PDXDC1: variants seen among roughly 807,000 people sequenced by gnomAD.
PDXDC1 encodes the protein pyridoxal dependent decarboxylase domain containing 1.
In PDXDC1, 42 loss-of-function variants were observed where a neutral mutation model predicts 100.1. That is an observed-to-expected ratio of 0.42 (90% confidence interval 0.33 to 0.54). PDXDC1 has a LOEUF of 0.54. PDXDC1 is among the 20% of genes least tolerant of loss of function. The pLI is 0.10. For missense variants in PDXDC1, 636 were observed against 979.2 expected (o/e 0.65, Z 4.68); for synonymous variants, 260 against 371.7 (o/e 0.70, Z 3.46).
intron 19 of PDXDC1, 81 bp downstream of exon 19, chr16:15,033,480 C>A: frequency 6.9e-7 from 1 of 1,453,382 alleles, no homozygotes; most frequent in South Asian, 1.2e-5. Context: ...AAGCAGCTGC[C>A]CTTGGGATGT....
chr16:15,053,930 A>ACC (rs1317540372), intron 16 of PDXDC1, among the ~76,000 whole-genome samples: 1 of 149,326 alleles, frequency 6.7e-6, no homozygotes, highest in East Asian at 1.9e-4. Context: ...CAACCAACCA[A>ACC]ACAAACAAAC....
intron 16 of PDXDC1, among the ~76,000 whole-genome samples, chr16:15,101,930 C>A (rs1269771529): frequency 6.6e-6 from 1 of 152,054 alleles, no homozygotes; most frequent in Non-Finnish European, 1.5e-5. Context: ...CTCACCGCAA[C>A]CTCCACCTCC....
chr16:15,150,103 G>C, the PDXDC1 span, among the ~76,000 whole-genome samples: 2 of 152,080 alleles, frequency 1.3e-5, no homozygotes, highest in Admixed American at 1.3e-4. Context: ...CCAGCACTTT[G>C]GGAGGCTGAG....
intron 16 of PDXDC1, among the ~76,000 whole-genome samples, chr16:15,078,812 C>CTT (rs5816111): frequency 8.5e-6 from 1 of 117,636 alleles, no homozygotes; most frequent in Non-Finnish European, 1.9e-5. Flanking sequence ...GTATTTTTTT[C>CTT]TTTTTTTTTT....
intron 16 of PDXDC1, among the ~76,000 whole-genome samples, chr16:15,049,675 C>T (rs1191467116): frequency 6.6e-6 from 1 of 152,138 alleles, no homozygotes; most frequent in Non-Finnish European, 1.5e-5. Context: ...ATCCACCTGC[C>T]TTGGCCTCCC....
intron 7 of PDXDC1, chr16:15,009,277 A>G (rs1414944261): frequency 5.8e-6 from 2 of 342,686 alleles, no homozygotes; most frequent in Non-Finnish European, 1.0e-5. Context: ...ATGATTCCAG[A>G]AGGAAAAGGA....
chr16:15,103,971 T>C (rs1192525706), intron 16 of PDXDC1, among the ~76,000 whole-genome samples: 5 of 21,530 alleles, frequency 2.3e-4, no homozygotes, highest in East Asian at 8.1e-4. Flanking sequence ...GTAGGAGGAT[T>C]GCTTGAGTCC....
In PDXDC1 at chr16:15,037,078, C is replaced by T. The variant is rs536142857; in HGVS notation, c.*803C>T. The T allele has an allele frequency of 3.9e-5, 6 of 152,232 alleles. No homozygotes were observed. Among genetic ancestry groups the T allele is most frequent in the Non-Finnish European group, 5.9e-5 (4 of 68,048 alleles). The allele number at this position is 152,232 out of a possible 1,614,324, so 9.4% of individuals were successfully genotyped here. On this transcript the variant is annotated 3_prime_UTR_variant, in exon 23 of 23. Transcript: ENST00000396410. ...TAAGAGCTTGCTCTTCCGTGTGCTA[C>T]GTAGCACCCACCTGGTTAAAATCTG...
chr16:15,050,101 G>A (rs529503982), intron 16 of PDXDC1, among the ~76,000 whole-genome samples: 24 of 152,278 alleles, frequency 1.6e-4, no homozygotes, highest in Admixed American at 1.5e-3. Context: ...AAATGGATAA[G>A]GCAAATTTAC....
At chr16:15,015,108 TG>T (rs1327261305) in intron 8 of PDXDC1, among the ~76,000 whole-genome samples, 12 of 152,364 alleles carry the variant, frequency 7.9e-5, no homozygotes, top group African/African-American at 2.6e-4. Flanking sequence ...CGGCTAATTT[TG>T]TTTTTGTATT....
At chr16:14,980,796 C>T (rs564027916) in intron 1 of PDXDC1, among the ~76,000 whole-genome samples, 335 of 152,282 alleles carry the variant, frequency 2.2e-3, no homozygotes, top group African/African-American at 7.2e-3. Flanking sequence ...GACGGGGTTT[C>T]GCCATGTTGG....
At chr16:15,131,285 G>A (rs1227265662) in intron 16 of PDXDC1, 2 of 1,579,410 alleles carry the variant, frequency 1.3e-6, no homozygotes, top group African/African-American at 2.7e-5. Context: ...CGCTCGATGG[G>A]GATCTGGGCG....
chr16:15,035,019 C>T (rs1395170100), intron 21 of PDXDC1, among the ~76,000 whole-genome samples: 1 of 152,234 alleles, frequency 6.6e-6, no homozygotes, highest in Non-Finnish European at 1.5e-5. Context: ...AGGGTGTTAA[C>T]AGTCCGTGAC....
intron 16 of PDXDC1, chr16:15,125,782 G>T: frequency 2.0e-6 from 3 of 1,474,154 alleles, no homozygotes; most frequent in Non-Finnish European, 2.8e-6. Context: ...CTGCCCGGCA[G>T]GTGTGGGGCT....
chr16:15,094,058 T>G, intron 16 of PDXDC1: 3 of 1,223,914 alleles, frequency 2.5e-6, no homozygotes, highest in Non-Finnish European at 3.5e-6. Flanking sequence ...GCCATGAGCT[T>G]TGTCCCACAT....
At chr16:15,133,629 A>G in intron 16 of PDXDC1, 1 of 1,293,262 alleles carries the variant, frequency 7.7e-7, no homozygotes, top group Non-Finnish European at 1.1e-6. Context: ...AACTCCTCGC[A>G]GTGGCCCTGG....
At chr16:15,025,944 T>C (rs2042564167) in intron 13 of PDXDC1, 1 of 152,354 alleles carries the variant, frequency 6.6e-6, no homozygotes, top group Non-Finnish European at 1.5e-5. Flanking sequence ...ATGAAGTTAG[T>C]CGTCTTCGGC....
At chr16:15,055,821 G>A in intron 16 of PDXDC1, 4 of 837,694 alleles carry the variant, frequency 4.8e-6, no homozygotes, top group South Asian at 1.2e-4. Flanking sequence ...TGTCGCGTGA[G>A]GGGGGCGCTA....
At chr16:15,079,250 A>G (rs1300172576) in intron 16 of PDXDC1, among the ~76,000 whole-genome samples, 2 of 152,130 alleles carry the variant, frequency 1.3e-5, no homozygotes, top group East Asian at 1.9e-4. Flanking sequence ...CTTTCCTGAC[A>G]ATGTCACTAG....
Sources: gnomAD v4.1 joint callset for allele counts (sites outside exome capture counted in the v4.1 genomes callset) on GRCh38, gnomAD v4.1.1 for gene constraint, MANE v1.5 for transcripts, NCBI Gene and HGNC (gene_info 2026-07-23, HGNC 2026-07-21) for gene names.